Variants in NPAS3 observed in about 807,000 individuals in gnomAD.
The protein encoded by NPAS3 is neuronal PAS domain-containing protein 3.
A neutral mutation model predicts 73.1 loss-of-function variants in NPAS3; 14 were observed. The ratio of observed to expected loss-of-function variants is 0.19; its 90% CI spans 0.13 to 0.30. The LOEUF (loss-of-function observed/expected upper bound fraction) is 0.30. Ranked by LOEUF, NPAS3 falls within the 10% of genes least tolerant of loss-of-function variation. The pLI, the probability that NPAS3 is intolerant of heterozygous loss-of-function variation, is 1.00. For synonymous variants in NPAS3, 620 were observed against 541.5 expected, an observed-to-expected ratio of 1.14 and a Z score of -2.01; for missense variants, 1,096 against 1,250.0, an observed-to-expected ratio of 0.88 and a Z score of 1.86.
At chr14:33,078,546 CA>C (rs756358831) in intron 2 of NPAS3, among the ~76,000 whole-genome samples, 1 of 77,064 alleles carries the variant, frequency 1.3e-5, no homozygotes, top group Non-Finnish European at 2.4e-5. Context: ...AAAAAAAAAA[CA>C]AACAAAAAAA....
intron 4 of NPAS3, among the ~76,000 whole-genome samples, chr14:33,406,241 A>G (rs1007264616): frequency 3.9e-5 from 6 of 152,164 alleles, no homozygotes; most frequent in South Asian, 2.1e-4. Flanking sequence ...ATATTTAGCC[A>G]TGCCCTGTCT....
Position 33,595,748 on chromosome 14 carries a change from G to T in NPAS3, c.558+35538G>T, listed in dbSNP as rs569634322. Among the ~76,000 whole-genome samples, 7 of 152,220 alleles carry T rather than the reference G, an allele frequency of 4.6e-5. No individual in the cohort carries two copies. In the East Asian group the frequency reaches 9.7e-4, roughly 21 times the overall value. ...TGCAGTGGCGCGTTCTCGGCTCACT[G>T]CAAGATCCGCCGCCCGGGTTCACGC... On this transcript the variant is annotated intron_variant, in intron 5 of 11. Coordinates refer to ENST00000356141, the Ensembl canonical transcript of NPAS3.
At chr14:33,189,656 A>T (rs2046098779) in intron 2 of NPAS3, among the ~76,000 whole-genome samples, 1 of 152,214 alleles carries the variant, frequency 6.6e-6, no homozygotes, top group South Asian at 2.1e-4. Flanking sequence ...AAAAGCCTAA[A>T]GCCATTAGAG....
At chr14:33,320,206 A>G (rs1423849487) in intron 3 of NPAS3, among the ~76,000 whole-genome samples, 2 of 152,160 alleles carry the variant, frequency 1.3e-5, no homozygotes, top group Non-Finnish European at 2.9e-5. Context: ...TGTCTAGTGT[A>G]GCTGGAGCAT....
chr14:33,135,602 G>A (rs977127558), intron 2 of NPAS3, among the ~76,000 whole-genome samples: 10 of 152,056 alleles, frequency 6.6e-5, no homozygotes, highest in African/African-American at 2.4e-4. Context: ...TTCTGATTAT[G>A]AAAAGCAATT....
intron 5 of NPAS3, among the ~76,000 whole-genome samples, chr14:33,591,175 C>T (rs552391379): frequency 1.2e-4 from 19 of 152,252 alleles, no homozygotes; most frequent in African/African-American, 4.3e-4. Flanking sequence ...TTAATGACAA[C>T]TTATCAACCC....
intron 3 of NPAS3, among the ~76,000 whole-genome samples, chr14:33,251,490 C>A (rs981994900): frequency 6.6e-6 from 1 of 151,986 alleles, no homozygotes; most frequent in Admixed American, 6.6e-5. Context: ...GTGGCTGGAG[C>A]CCAGTGAATG....
At chr14:33,481,881 C>A (rs111285562) in intron 4 of NPAS3, among the ~76,000 whole-genome samples, 69 of 151,908 alleles carry the variant, frequency 4.5e-4, no homozygotes, top group African/African-American at 1.7e-3. Flanking sequence ...ATATTTTTAA[C>A]AAACATAATG....
chr14:33,487,920 C>T (rs961364828), intron 4 of NPAS3, among the ~76,000 whole-genome samples: 1 of 152,078 alleles, frequency 6.6e-6, no homozygotes, highest in Non-Finnish European at 1.5e-5. Flanking sequence ...ATCTGTCTTT[C>T]GAATTGAAGG....
In NPAS3 at chr14:33,135,654, G is replaced by C. The variant is rs1257696401; in HGVS notation, c.141-79528G>C. Among the ~76,000 whole-genome samples, 4 of 152,080 alleles carry C rather than the reference G, an allele frequency of 2.6e-5. No individual in the cohort carries two copies. In the South Asian group the frequency reaches 6.2e-4, roughly 24 times the overall value. On this transcript the variant is annotated intron_variant, in intron 2 of 11. Coordinates refer to ENST00000356141, the Ensembl canonical transcript of NPAS3. ...TGGGTCATTGATTACAAATATAGCA[G>C]TCTGAATTTTTCAGTGGGGGTTAAA...
At chr14:33,099,640 A>G (rs541208260) in intron 2 of NPAS3, among the ~76,000 whole-genome samples, 3 of 152,330 alleles carry the variant, frequency 2.0e-5, no homozygotes, top group Admixed American at 6.5e-5. Context: ...AGGACAAAGT[A>G]TAGTACAAAG....
At chr14:33,198,713 G>T (rs1208323693) in intron 2 of NPAS3, among the ~76,000 whole-genome samples, 6 of 152,238 alleles carry the variant, frequency 3.9e-5, no homozygotes, top group African/African-American at 1.4e-4. Context: ...GGGCGGAGCT[G>T]CCCGCCAGCC....
intron 4 of NPAS3, among the ~76,000 whole-genome samples, chr14:33,390,296 T>C (rs2046946456): frequency 6.6e-6 from 1 of 152,180 alleles, no homozygotes; most frequent in Non-Finnish European, 1.5e-5. Flanking sequence ...AAGACAGTGG[T>C]GAAAACAAGT....
intron 5 of NPAS3, among the ~76,000 whole-genome samples, chr14:33,645,091 A>C (rs2058790836): frequency 6.6e-6 from 1 of 152,022 alleles, no homozygotes; most frequent in African/African-American, 2.4e-5. Context: ...CAAAAAAAAA[A>C]AAAAAGAAAG....
chr14:33,634,250 A>G (rs976709976), intron 5 of NPAS3, among the ~76,000 whole-genome samples: 2 of 152,204 alleles, frequency 1.3e-5, no homozygotes, highest in Non-Finnish European at 2.9e-5. Flanking sequence ...ATTACCCCTA[A>G]TACGTGCACT....
intron 3 of NPAS3, among the ~76,000 whole-genome samples, chr14:33,305,637 A>G (rs2042724804): frequency 6.6e-6 from 1 of 152,156 alleles, no homozygotes; most frequent in African/African-American, 2.4e-5. Flanking sequence ...GGAAATGAAG[A>G]CATTGATTAC....
At chr14:33,582,937 T>C (rs1322026329) in intron 5 of NPAS3, among the ~76,000 whole-genome samples, 3 of 148,092 alleles carry the variant, frequency 2.0e-5, no homozygotes, top group African/African-American at 7.6e-5. Context: ...TTTCTTCACC[T>C]CACTACTTCC....
chr14:33,099,072 G>A (rs2042507775), intron 2 of NPAS3, among the ~76,000 whole-genome samples: 2 of 152,136 alleles, frequency 1.3e-5, no homozygotes, highest in Non-Finnish European at 2.9e-5. Context: ...GGCAGGCAAG[G>A]TCAGGTCTAA....
chr14:33,343,404 C>T (rs1188673735), intron 3 of NPAS3, among the ~76,000 whole-genome samples: 2 of 152,136 alleles, frequency 1.3e-5, no homozygotes, highest in Admixed American at 1.3e-4. Flanking sequence ...TGTTTAGGTG[C>T]CACCTCTGCT....
Sources: gnomAD v4.1 joint callset for allele counts (sites outside exome capture counted in the v4.1 genomes callset) on GRCh38, gnomAD v4.1.1 for gene constraint, MANE v1.5 for transcripts, NCBI Gene and HGNC (gene_info 2026-07-23, HGNC 2026-07-21) for gene names.